Variants in TBC1D5 observed in about 807,000 individuals in gnomAD.
The protein encoded by TBC1D5 is TBC1 domain family member 5, also known as TBC1 domain family, member 5.
In TBC1D5, 75 loss-of-function variants were observed where a neutral mutation model predicts 100.3. The ratio of observed to expected loss-of-function variants is 0.75; its 90% CI spans 0.62 to 0.91. The LOEUF (loss-of-function observed/expected upper bound fraction) is 0.91, where lower values mean the gene tolerates loss of function less well. Among genes scored for constraint, TBC1D5 ranks in the 40% least tolerant of loss-of-function variants. The probability of loss-of-function intolerance (pLI) is 0.00; values close to 1 mark genes in which losing one functional copy is unlikely to be tolerated. For missense variants in TBC1D5, 910 were observed against 942.4 expected (o/e 0.97, Z 0.45); for synonymous variants, 323 against 325.6 (o/e 0.99, Z 0.09).
intron 13 of TBC1D5, among the ~76,000 whole-genome samples, chr3:17,311,301 C>A (rs2084005491): frequency 1.3e-5 from 2 of 151,932 alleles, no homozygotes; most frequent in Non-Finnish European, 2.9e-5. Flanking sequence ...ATGCTCATAA[C>A]CACATATATT....
chr3:17,595,351 T>A (rs1207343832), intron 2 of TBC1D5, among the ~76,000 whole-genome samples: 1 of 152,206 alleles, frequency 6.6e-6, no homozygotes, highest in Non-Finnish European at 1.5e-5. Flanking sequence ...GAGGCCCACA[T>A]TCTCTTCCCA....
rs1575061119 is a variant in TBC1D5 at position 17,270,344 on chromosome 3, T to C, written c.1246-11753A>G. On this transcript the variant is annotated intron_variant, in intron 15 of 21. Coordinates refer to ENST00000253692, the Ensembl canonical transcript of TBC1D5. ...CTGTCTACTTTTTAATGGATTTTTT[T>C]CCCTTGATTTGTTTAAGTTCCTTAT... Among the ~76,000 whole-genome samples the C allele has an allele frequency of 2.0e-5, 3 of 152,122 alleles. No individual in the cohort carries two copies. In the East Asian group the frequency reaches 5.8e-4, roughly 29 times the overall value.
intron 18 of TBC1D5, among the ~76,000 whole-genome samples, chr3:17,197,079 T>C (rs933859028): frequency 1.3e-5 from 2 of 152,200 alleles, no homozygotes; most frequent in South Asian, 4.1e-4. Flanking sequence ...GTGTGTGTTA[T>C]GGGCTACTTC....
At chr3:17,705,702 G>A (rs1355526692) in intron 1 of TBC1D5, among the ~76,000 whole-genome samples, 12 of 140,094 alleles carry the variant, frequency 8.6e-5, no homozygotes, top group Non-Finnish European at 1.7e-4. Flanking sequence ...CGGCTGGGAA[G>A]AGGCGCTCCT....
intron 4 of TBC1D5, among the ~76,000 whole-genome samples, chr3:17,412,487 T>C (rs1219819713): frequency 6.6e-6 from 1 of 152,094 alleles, no homozygotes; most frequent in Non-Finnish European, 1.5e-5. Context: ...CAAATATGAA[T>C]GGTAGGCCTG....
chr3:17,300,148 G>A (rs1397225588), intron 14 of TBC1D5, among the ~76,000 whole-genome samples: 2 of 151,992 alleles, frequency 1.3e-5, no homozygotes, highest in African/African-American at 2.4e-5. Flanking sequence ...TAGTATAAAC[G>A]GTGTTTGTAA....
rs762697273 is a variant in TBC1D5 at position 17,403,142 on chromosome 3, T to C, written c.509+39A>G. ...AAAATTAGAAAGAGATAACAACAAT[T>C]TGAATTATTGAAAGTAACATGTAAA... On this transcript the variant is annotated intron_variant, in intron 8 of 21. Transcript: ENST00000253692. 79 of 1,503,216 alleles carry C rather than the reference T, an allele frequency of 5.3e-5. 1 individual carries two copies. The highest frequency in any genetic ancestry group is 4.9e-4 in the South Asian group (39 of 79,690). 93.1% of individuals were successfully genotyped at this position (1,503,216 alleles called of 1,614,324 possible). A position where few individuals can be genotyped will look rare whatever the true frequency, so the allele number is the denominator to read the frequency against.
intron 15 of TBC1D5, among the ~76,000 whole-genome samples, chr3:17,267,514 C>T (rs1185408828): frequency 6.6e-6 from 1 of 151,958 alleles, no homozygotes; most frequent in Non-Finnish European, 1.5e-5. Context: ...AAAAAATATT[C>T]CTAAAGATTC....
intron 19 of TBC1D5, among the ~76,000 whole-genome samples, chr3:17,182,895 C>A (rs1051465268): frequency 1.3e-5 from 2 of 151,864 alleles, no homozygotes; most frequent in African/African-American, 4.8e-5. Context: ...TTATTTTCTT[C>A]TTTTCTCTTT....
chr3:17,463,943 C>CGTT lies in TBC1D5; in HGVS notation c.98-35425_98-35424insAAC, dbSNP rs1491538980. ...CAATCAATACTAGCATTCCTTATTC[C>CGTT]TTTTTTTTTTTTTTTTTTTTTTTTT... On this transcript the variant is annotated intron_variant, in intron 3 of 21. Transcript: ENST00000253692. Among the ~76,000 whole-genome samples, 43 of 87,534 alleles carry CGTT rather than the reference C, an allele frequency of 4.9e-4. 1 individual carries two copies. In the East Asian group the frequency reaches 0.011, roughly 22 times the overall value. 57.4% of individuals were successfully genotyped at this position (87,534 alleles called of 152,430 possible).
At chr3:17,505,545 T>C (rs1343807148) in intron 3 of TBC1D5, among the ~76,000 whole-genome samples, 1 of 152,136 alleles carries the variant, frequency 6.6e-6, no homozygotes, top group African/African-American at 2.4e-5. Flanking sequence ...TACAGAAAAA[T>C]TTCTCTCATC....
At chr3:17,635,121 TTC>T (rs759938580) in intron 1 of TBC1D5, among the ~76,000 whole-genome samples, 2 of 152,208 alleles carry the variant, frequency 1.3e-5, no homozygotes, top group Non-Finnish European at 2.9e-5. Flanking sequence ...ACTCCACTGT[TTC>T]TGACTGTGCT....
exon 1 of TBC1D5, chr3:17,740,668 T>C (rs1371796259): frequency 6.6e-6 from 1 of 152,230 alleles, no homozygotes; most frequent in Non-Finnish European, 1.5e-5. Flanking sequence ...CGACTCTCAA[T>C]TGTTTGCAAA....
intron 1 of TBC1D5, among the ~76,000 whole-genome samples, chr3:17,671,464 C>A (rs185783787): frequency 6.6e-6 from 1 of 152,080 alleles, no homozygotes; most frequent in Non-Finnish European, 1.5e-5. Context: ...ACGGCCTCCC[C>A]CAAAGTGTCC....
At chr3:17,446,381 T>C (rs1358004463) in intron 3 of TBC1D5, among the ~76,000 whole-genome samples, 2 of 152,088 alleles carry the variant, frequency 1.3e-5, no homozygotes, top group East Asian at 1.9e-4. Context: ...ATCTATTGCA[T>C]TGGTGGCTAA....
intron 18 of TBC1D5, among the ~76,000 whole-genome samples, chr3:17,208,873 C>G (rs1392847925): frequency 1.3e-5 from 2 of 152,204 alleles, no homozygotes; most frequent in African/African-American, 2.4e-5. Flanking sequence ...TTTGTACAGG[C>G]AGATCATCTC....
At chr3:17,348,321 T>C (rs984890772) in intron 13 of TBC1D5, among the ~76,000 whole-genome samples, 2 of 152,180 alleles carry the variant, frequency 1.3e-5, no homozygotes, top group African/African-American at 4.8e-5. Flanking sequence ...CCTGCTAATA[T>C]ATTAAGCAAG....
intron 18 of TBC1D5, among the ~76,000 whole-genome samples, chr3:17,198,779 T>C (rs1035569582): frequency 1.3e-5 from 2 of 152,202 alleles, no homozygotes; most frequent in African/African-American, 4.8e-5. Flanking sequence ...TCTAAATTAG[T>C]GGTTCTAAAC....
At chr3:17,302,266 C>A (rs1468749559) in intron 14 of TBC1D5, among the ~76,000 whole-genome samples, 3 of 143,590 alleles carry the variant, frequency 2.1e-5, no homozygotes, top group African/African-American at 7.9e-5. Context: ...TTCTGGCTGT[C>A]TTCACACGGC....
Sources: gnomAD v4.1 joint callset for allele counts (sites outside exome capture counted in the v4.1 genomes callset) on GRCh38, gnomAD v4.1.1 for gene constraint, MANE v1.5 for transcripts, NCBI Gene and HGNC (gene_info 2026-07-23, HGNC 2026-07-21) for gene names.